TTN: variants seen among roughly 807,000 people sequenced by gnomAD.
TTN encodes the protein titin, also known as connectin.
TTN carries 1,525 observed loss-of-function variants against 3,223.0 expected under a neutral mutation model. The observed-to-expected ratio is 0.47, with a 90% confidence interval of 0.45 to 0.49. TTN has a LOEUF of 0.49. Ranked by LOEUF, TTN falls within the 20% of genes least tolerant of loss-of-function variation. The pLI is 0.00. For missense variants in TTN, 40,786 were observed against 43,424.0 expected (o/e 0.94, Z 5.40); for synonymous variants, 14,094 against 15,161.0 (o/e 0.93, Z 5.17).
chr2:178,571,583 T>C lies in TTN; in HGVS notation c.74549A>G (p.Asp24850Gly), dbSNP rs573415766. The C allele has an allele frequency of 1.9e-4, 305 of 1,613,242 alleles. 4 individuals carry two copies. In the South Asian group the frequency reaches 3.1e-3, roughly 17 times the overall value. ...AATTTGCCAGGTGGTTGTGGAAGTG[T>C]CCCGTTTCTCAACAATGTAATTATT... The part of the protein sequence containing the change: ...SINNYIVEKR[D>G]TSTTTWQIVS... Residue 24850 changes from aspartate to glycine, a missense_variant, in exon 326 of 363, where the codon GAC (aspartate) becomes GGC (glycine). Physicochemically the swap from Asp to Gly is moderately conservative, Grantham distance 94. Coordinates refer to ENST00000589042, the MANE Select transcript of TTN (RefSeq NM_001267550.2).
At chr2:178,649,789 A>C in intron 211 of TTN, 28 bp downstream of exon 211, 1 of 1,603,650 alleles carries the variant, frequency 6.2e-7, no homozygotes, top group South Asian at 1.1e-5. Context: ...ACACCACAAA[A>C]ATGAAGTATT....
At position 178,548,219 on chromosome 2, in the gene TTN, T is replaced by A. The variant is rs1697982034; in HGVS notation, c.93407A>T (p.Lys31136Ile). Reference sequence around the variant, plus strand: ...CCGGCTGCCTCCATCGTGGTCAGGTTTAAGCCAAGCTAAGACTGCGGAGGA... The same window carrying A: ...CCGGCTGCCTCCATCGTGGTCAGGTATAAGCCAAGCTAAGACTGCGGAGGA... ...SKSSAVLAWL[K>I]PDHDGGSRIT... Residue 31136 changes from lysine (K) to isoleucine (I), a missense_variant, in exon 339 of 363, where the codon AAA becomes ATA. By Grantham distance (102) the Lys-to-Ile change is moderately radical. Coordinates refer to ENST00000589042, the MANE Select transcript of TTN (RefSeq NM_001267550.2). This position sits in a 1 kb window ranked among gnomAD's most constrained non-coding sequence, Gnocchi z 4.3. The A allele has an allele frequency of 5.0e-6, 8 of 1,613,818 alleles. No homozygotes were observed. In the East Asian group the frequency reaches 1.8e-4, roughly 36 times the overall value.
rs779996703 is a variant in TTN at position 178,567,141 on chromosome 2, G to A, written c.78991C>T (p.Arg26331Ter). Residue 26331 changes from arginine to a stop codon, truncating the protein, a stop_gained, in exon 326 of 363, where the codon CGA becomes TGA. Coordinates refer to ENST00000589042, the MANE Select transcript of TTN (RefSeq NM_001267550.2). LOFTEE classifies it high-confidence loss of function. ...HYVVEKRETS[R>*]LAWTVVASEV... is the part of the protein sequence containing the mutation. The stretch of plus-strand genomic sequence containing the variant: ...GAAGCAACAACAGTCCAGGCAAGTC[G>A]ACTGGTTTCTCGCTTTTCAACAACA... 6.2e-7 allele frequency: 1 copy of A among 1,613,366 alleles called. No individual in the cohort carries two copies. The highest frequency in any genetic ancestry group is 8.5e-7 in the Non-Finnish European group (1 of 1,179,616).
chr2:178,692,256 A>C (rs1338394196), intron 120 of TTN, among the ~76,000 whole-genome samples, 157 bp from the exon 121 acceptor site: 1 of 152,166 alleles, frequency 6.6e-6, no homozygotes. Flanking sequence ...TAAATACCTC[A>C]ACACCATATA....
At position 178,575,959 on chromosome 2, in the gene TTN, A is replaced by C. The variant is rs1376271320; in HGVS notation, c.70173T>G (p.Ile23391Met). The stretch of plus-strand genomic sequence containing the variant: ...GAAGAGTAAATGATTCCGTATTTTC[A>C]ATGTTGGCTCGGTTTTTCAGGTTGA... The part of the protein sequence containing the change: ...DNINLKNRAN[I>M]ENTESFTLLI... The change falls in exon 326 of 363, where the codon ATT (isoleucine) becomes ATG (methionine). Residue 23391 changes from isoleucine to methionine, a missense_variant. Transcript: ENST00000589042. The surrounding 1 kb of genome is among the most constrained non-coding windows in gnomAD (Gnocchi z 4.0). 1 of 1,611,496 alleles carries C rather than the reference A, an allele frequency of 6.2e-7. No homozygotes were observed. Among genetic ancestry groups the C allele is most frequent in the African/African-American group, 1.3e-5 (1 of 74,972 alleles).
At position 178,784,223 on chromosome 2, in the gene TTN, C is replaced by A. The variant is rs761904010; in HGVS notation, c.2622G>T (p.Glu874Asp). ...VKPSETRVRAEPTPLPQFPFA... is the reference protein window; with the variant it reads ...VKPSETRVRADPTPLPQFPFA... ...AGGGGAACTGTGGCAAGGGTGTGGG[C>A]TCTGCCCTTACTCTAGTCTCACTGG... Residue 874 changes from glutamate (E) to aspartate (D), a missense_variant, in exon 16 of 363, where the codon GAG (glutamate) becomes GAT (aspartate). By Grantham distance (45) the Glu-to-Asp change is conservative. Coordinates refer to ENST00000589042, the MANE Select transcript of TTN (RefSeq NM_001267550.2). 1 of 1,614,154 alleles carries A rather than the reference C, an allele frequency of 6.2e-7. No individual in the cohort carries two copies. The highest frequency in any genetic ancestry group is 1.1e-5 in the South Asian group (1 of 91,090).
In TTN at chr2:178,528,743, T is replaced by C; in HGVS notation, c.107008A>G (p.Arg35670Gly). The C allele has an allele frequency of 6.2e-7, 1 of 1,613,254 alleles. No individual in the cohort carries two copies. The highest frequency in any genetic ancestry group is 1.1e-5 in the South Asian group (1 of 91,022). The change falls in exon 360 of 363, where the codon AGA becomes GGA. Residue 35670 changes from arginine to glycine, a missense_variant. Coordinates refer to ENST00000589042, the MANE Select transcript of TTN (RefSeq NM_001267550.2). ...QTLTIKQASH[R>G]DEGILTCISK... is the part of the protein sequence containing the mutation. ...ATGCAGGTGAGGATTCCTTCATCTC[T>C]GTGACTGGCTTGCTTGATGGTTAGG... is the stretch of plus-strand genomic sequence containing the variant.
intron 288 of TTN, 134 bp from the exon 289 acceptor site, chr2:178,599,984 T>G: frequency 1.2e-6 from 1 of 832,404 alleles, no homozygotes; most frequent in South Asian, 2.3e-5. Flanking sequence ...TAAAGAATGG[T>G]TCTGTCTTTA....
At position 178,581,577 on chromosome 2, in the gene TTN, G is replaced by A. The variant is rs760026147; in HGVS notation, c.66691C>T (p.Arg22231Cys). 16 of 1,612,238 alleles carry A rather than the reference G, an allele frequency of 9.9e-6. No individual in the cohort carries two copies. The highest frequency in any genetic ancestry group is 3.3e-5 in the Admixed American group (2 of 59,928). ...CCAATCTTATTAACGGCATACACAC[G>A]GAATTGATATTGTGTGTCTTCCATC... ...GLMEDTQYQF[R>C]VYAVNKIGYS... The change falls in exon 316 of 363, where the codon CGT (arginine) becomes TGT (cysteine). Residue 22231 changes from arginine to cysteine, a missense_variant. Coordinates refer to ENST00000589042, the MANE Select transcript of TTN (RefSeq NM_001267550.2).
intron 115 of TTN, 139 bp downstream of exon 115, chr2:178,695,208 GA>G (rs941467151): frequency 2.2e-4 from 134 of 607,360 alleles, no homozygotes; most frequent in East Asian, 6.3e-4. Context: ...GAAATTTTAA[GA>G]AAAAAAAATC....
chr2:178,539,135 T>TGTA lies in TTN; in HGVS notation c.98797_98799dup (p.Tyr32933dup). On this transcript the variant is annotated inframe_insertion, in exon 353 of 363. Coordinates refer to ENST00000589042, the MANE Select transcript of TTN (RefSeq NM_001267550.2). The stretch of plus-strand genomic sequence containing the variant: ...TCAGTGGATGTCTCTTTGCGTTCGA[T>TGTA]GTAGTAGCCTGTGACTCTAGAACCA... The TGTA allele has an allele frequency of 6.2e-7, 1 of 1,613,766 alleles. No homozygotes were observed. Among genetic ancestry groups the TGTA allele is most frequent in the Non-Finnish European group, 8.5e-7 (1 of 1,179,758 alleles).
rs2078745057 is a variant in TTN, at chr2:178,723,287, A to G, written c.21720T>C (p.Ser7240=). 6.2e-7 allele frequency: 1 copy of G among 1,613,464 alleles called. No homozygotes were observed. Among genetic ancestry groups the G allele is most frequent in the Non-Finnish European group, 8.5e-7 (1 of 1,179,602 alleles). ...AAFLKRLSDH[S]VEPGKSIILE... is the part of the protein sequence containing the mutation. ...GAATTATGGACTTCCCTGGTTCTACAGAATGATCACTTAATCTCTTCAAAA... is the reference window on the plus strand; with the variant it reads ...GAATTATGGACTTCCCTGGTTCTACGGAATGATCACTTAATCTCTTCAAAA... Residue 7240 remains serine, a synonymous_variant, in exon 75 of 363, where the codon TCT becomes TCC. Transcript: ENST00000589042.
chr2:178,771,512 A>G, intron 33 of TTN, 41 bp from the exon 34 acceptor site: 2 of 1,612,756 alleles, frequency 1.2e-6, no homozygotes, highest in Non-Finnish European at 1.7e-6. Flanking sequence ...CTTTAAACAT[A>G]TTCACACAAT....
In TTN at chr2:178,719,628, T is replaced by G. The variant is rs767163830; in HGVS notation, c.23864A>C (p.Asp7955Ala). Residue 7955 changes from aspartate to alanine, a missense_variant, in exon 82 of 363, where the codon GAC (aspartate) becomes GCC (alanine). Physicochemically the swap from Asp to Ala is moderately radical, Grantham distance 126. Transcript: ENST00000589042. Reference protein sequence around the residue: ...SLKIPCAEMSDKGLYSFEVKN... With the variant: ...SLKIPCAEMSAKGLYSFEVKN... ...CACTTCAAAGCTATATAATCCTTTG[T>G]CACTCATTTCGGCACAGGGGATTTT... is the stretch of plus-strand genomic sequence containing the variant. The G allele has an allele frequency of 6.2e-7, 1 of 1,613,742 alleles. No homozygotes were observed. Among genetic ancestry groups the G allele is most frequent in the South Asian group, 1.1e-5 (1 of 91,072 alleles).
Position 178,741,451 on chromosome 2 carries a change from A to AT in TTN, c.11781dup (p.Ser3928IlefsTer15). On this transcript the variant is annotated frameshift_variant, in exon 48 of 363. Transcript: ENST00000589042. LOFTEE classifies it high-confidence loss of function. ...CAAGGACCTCCCAGCTTTTCCAGAG[A>AT]TTTTGCCACTGCTGATTCTGTTTCA... 6.2e-7 allele frequency: 1 copy of AT among 1,613,772 alleles called. No individual in the cohort carries two copies. The highest frequency in any genetic ancestry group is 8.5e-7 in the Non-Finnish European group (1 of 1,179,810).
chr2:178,625,570 A>T lies in TTN; in HGVS notation c.44425-174T>A, dbSNP rs1052988995. Among the ~76,000 whole-genome samples, 3 of 151,914 alleles carry T rather than the reference A, an allele frequency of 2.0e-5. 1 individual carries two copies. Among genetic ancestry groups the T allele is most frequent in the South Asian group, 2.1e-4 (1 of 4,826 alleles). On this transcript the variant is annotated intron_variant, in intron 240 of 362. Transcript: ENST00000589042. ...ACCAATAGTTTGGGATCTTTTTTTT[A>T]AATTTATTTATTATTATTATACTTT...
intron 24 of TTN, 178 bp downstream of exon 24, chr2:178,778,696 T>C: frequency 1.2e-6 from 1 of 802,086 alleles, no homozygotes; most frequent in East Asian, 2.7e-5. Flanking sequence ...GAAAATTCTT[T>C]GCTCATCTTA....
In TTN at chr2:178,663,681, C is replaced by G; in HGVS notation, c.36478G>C (p.Glu12160Gln). Reference protein sequence around the residue: ...VPEPPKEVVPEKKAPVAPPKE... With the variant: ...VPEPPKEVVPQKKAPVAPPKE... Reference sequence around the variant, plus strand: ...GGAGGAGCCACTGGCGCTTTCTTTTCAGGAACTACTTCTTTGGGAGGCTCT... The same window carrying G: ...GGAGGAGCCACTGGCGCTTTCTTTTGAGGAACTACTTCTTTGGGAGGCTCT... Residue 12160 changes from glutamate to glutamine, a missense_variant, in exon 171 of 363, where the codon GAA becomes CAA. Transcript: ENST00000589042. 1 of 1,613,396 alleles carries G rather than the reference C, an allele frequency of 6.2e-7. No homozygotes were observed. Among genetic ancestry groups the G allele is most frequent in the Non-Finnish European group, 8.5e-7 (1 of 1,179,690 alleles).
chr2:178,566,840 A>T lies in TTN; in HGVS notation c.79292T>A (p.Ile26431Asn). The change falls in exon 326 of 363, where the codon ATT becomes AAT. Residue 26431 changes from isoleucine (I) to asparagine (N), a missense_variant. Physicochemically the swap from Ile to Asn is moderately radical, Grantham distance 149. Transcript: ENST00000589042. ...YIVEKRDRSG[I>N]RWIKCNKRRI... is the part of the protein sequence containing the mutation. Reference sequence around the variant, plus strand: ...GCGTTTATTACATTTTATCCATCGAATGCCACTTCTGTCTCTTTTCTCTAC... The same window carrying T: ...GCGTTTATTACATTTTATCCATCGATTGCCACTTCTGTCTCTTTTCTCTAC... 1 of 1,613,446 alleles carries T rather than the reference A, an allele frequency of 6.2e-7. No individual in the cohort carries two copies. The highest frequency in any genetic ancestry group is 8.5e-7 in the Non-Finnish European group (1 of 1,179,664).
Sources: allele counts gnomAD v4.1 joint callset (sites outside exome capture counted in the v4.1 genomes callset), GRCh38; gene constraint gnomAD v4.1.1; non-coding constraint Gnocchi (gnomAD v3.1); transcripts MANE v1.5; gene names NCBI Gene and HGNC (gene_info 2026-07-23, HGNC 2026-07-21).